The following PPRC1 variants were observed in gnomAD, a reference collection of about 807,000 sequenced individuals.
PPRC1 encodes the protein PPARG related coactivator 1.
A neutral mutation model predicts 132.5 loss-of-function variants in PPRC1; 23 were observed. The observed-to-expected ratio is 0.17, with a 90% CI of 0.12 to 0.25. The LOEUF (loss-of-function observed/expected upper bound fraction) is 0.25, where lower values mean the gene tolerates loss of function less well. PPRC1 is among the 10% of genes least tolerant of loss of function. The probability of loss-of-function intolerance (pLI) is 1.00; values close to 1 mark genes in which losing one functional copy is unlikely to be tolerated. For synonymous variants in PPRC1, 872 were observed against 833.5 expected, an observed-to-expected ratio of 1.05 and a Z score of -0.80; for missense variants, 2,006 against 2,089.1, an observed-to-expected ratio of 0.96 and a Z score of 0.78.
In PPRC1 at chr10:102,137,972, G is replaced by A. The variant is rs2068788633; in HGVS notation, c.276G>A (p.Gly92=). The change falls in exon 2 of 14, where the codon GGG becomes GGA. Residue 92 remains glycine (G), a synonymous_variant. Transcript: ENST00000278070. ...ELMLQDETLL[G]TMQSYMDASL... is the part of the protein sequence containing the mutation. ...TGCTGCAGGATGAGACACTGCTGGGGACCATGCAGAGCTACATGGATGCCT... is the reference window on the plus strand; with the variant it reads ...TGCTGCAGGATGAGACACTGCTGGGAACCATGCAGAGCTACATGGATGCCT... 3 of 1,614,018 alleles carry A rather than the reference G, an allele frequency of 1.9e-6. No individual in the cohort carries two copies. The highest frequency in any genetic ancestry group is 2.5e-6 in the Non-Finnish European group (3 of 1,180,022).
Position 102,133,062 on chromosome 10 carries a change from G to C in PPRC1, c.-7G>C. 1 of 1,241,212 alleles carries C rather than the reference G, an allele frequency of 8.1e-7. No individual in the cohort carries two copies. The highest frequency in any genetic ancestry group is 1.0e-6 in the Non-Finnish European group (1 of 987,918). The allele number at this position is 1,241,212 out of a possible 1,614,324, so 76.9% of individuals were successfully genotyped here. ...ATCAGAGCAGCGCTGGGTGTTCAGG[G>C]GCCAAGATGGCGGCGCGCCGGGGAC... is the stretch of plus-strand genomic sequence containing the variant. On this transcript the variant is annotated 5_prime_UTR_variant, in exon 1 of 14. Coordinates refer to ENST00000278070, the MANE Select transcript of PPRC1 (RefSeq NM_015062.5).
chr10:102,137,025 T>G (rs2068750782), intron 1 of PPRC1, among the ~76,000 whole-genome samples: 2 of 152,190 alleles, frequency 1.3e-5, no homozygotes, highest in Admixed American at 6.5e-5. Context: ...AGAGGTTGAG[T>G]GTCTCACTGT....
At chr10:102,143,001 T>G (rs1040532619) in intron 5 of PPRC1, 44 bp from the exon 6 acceptor site, 3 of 1,560,922 alleles carry the variant, frequency 1.9e-6, no homozygotes, top group Non-Finnish European at 2.6e-6. Flanking sequence ...GTGTACTAAG[T>G]TGATAGGGGC....
the PPRC1 span, among the ~76,000 whole-genome samples, chr10:102,127,050 T>TAA: frequency 1.7e-5 from 1 of 58,098 alleles, no homozygotes; most frequent in African/African-American, 3.8e-5. Flanking sequence ...TATATATATA[T>TAA]ATATATATAT....
At chr10:102,128,395 C>T (rs1031381006), upstream of PPRC1, among the ~76,000 whole-genome samples, 3 of 152,052 alleles carry the variant, frequency 2.0e-5, no homozygotes, top group African/African-American at 7.2e-5. Context: ...CTGCCCACCT[C>T]AGCCTCCCAA....
chr10:102,140,738 C>T lies in PPRC1; in HGVS notation c.2230C>T (p.His744Tyr). The T allele has an allele frequency of 1.2e-6, 2 of 1,614,036 alleles. No homozygotes were observed. The highest frequency in any genetic ancestry group is 2.2e-5 in the South Asian group (2 of 91,068). The change falls in exon 5 of 14, where the codon CAT becomes TAT. Residue 744 changes from histidine (H) to tyrosine (Y), a missense_variant. Physicochemically the swap from His to Tyr is moderately conservative, Grantham distance 83 (BLOSUM62 2). Transcript: ENST00000278070. The stretch of plus-strand genomic sequence containing the variant: ...TGAAAGTGGTACCAGTGCTACAACC[C>T]ATGAAGCCAGACCTCGGCCTCTCAG... Reference protein sequence around the residue: ...KIESGTSATTHEARPRPLSLS... With the variant: ...KIESGTSATTYEARPRPLSLS...
rs754677003 is a variant in PPRC1 at position 102,141,262 on chromosome 10, C to A, written c.2754C>A (p.Ala918=). ...TACCTGATCCGTTTACTCACTATGC[C>A]CCCTTGCCATCCTGGCCTTGTTATC... The part of the protein sequence containing the change: ...PVLPDPFTHY[A]PLPSWPCYPH... The change falls in exon 5 of 14, where the codon GCC becomes GCA. Residue 918 remains alanine, a synonymous_variant. Coordinates refer to ENST00000278070, the MANE Select transcript of PPRC1 (RefSeq NM_015062.5). 1 of 1,614,072 alleles carries A rather than the reference C, an allele frequency of 6.2e-7. No homozygotes were observed.
chr10:102,147,930 C>T (rs935266084), intron 9 of PPRC1, among the ~76,000 whole-genome samples: 1 of 152,038 alleles, frequency 6.6e-6, no homozygotes, highest in African/African-American at 2.4e-5. Flanking sequence ...GCCCATACTA[C>T]AAGTCTAGCA....
chr10:102,145,253 G>A (rs1403124364), intron 8 of PPRC1, among the ~76,000 whole-genome samples, 163 bp downstream of exon 8: 1 of 152,256 alleles, frequency 6.6e-6, no homozygotes, highest in African/African-American at 2.4e-5. Context: ...GAATGAGCAT[G>A]TTGAGTATCA....
rs996108303 is a variant in PPRC1, at chr10:102,140,369, C to G, written c.1861C>G (p.Leu621Val). Residue 621 changes from leucine (L) to valine (V), a missense_variant, in exon 5 of 14, where the codon CTG (leucine) becomes GTG (valine). By Grantham distance (32) the Leu-to-Val change is conservative. Coordinates refer to ENST00000278070, the MANE Select transcript of PPRC1 (RefSeq NM_015062.5). The part of the protein sequence containing the change: ...LVDLASTSSE[L>V]VEPLPAEPVL... ...TGACCTTGCTTCAACCAGCTCAGAA[C>G]TGGTTGAGCCTCTCCCGGCTGAGCC... 1 of 1,614,084 alleles carries G rather than the reference C, an allele frequency of 6.2e-7. No individual in the cohort carries two copies. Among genetic ancestry groups the G allele is most frequent in the Admixed American group, 1.7e-5 (1 of 60,004 alleles).
In PPRC1 at chr10:102,140,111, T is replaced by C. The variant is rs2133641384; in HGVS notation, c.1603T>C (p.Ser535Pro). 6.2e-7 allele frequency: 1 copy of C among 1,614,216 alleles called. No homozygotes were observed. The highest frequency in any genetic ancestry group is 1.1e-5 in the South Asian group (1 of 91,082). The change falls in exon 5 of 14, where the codon TCT becomes CCT. Residue 535 changes from serine to proline, a missense_variant. Transcript: ENST00000278070. ...GGCCTGGGCAGCTGCCTTGGAGAAT[T>C]CTAGCCCTAAGAACTTGGAGAGAAG... ...ARAWAAALENSSPKNLERSAG... is the reference protein window; with the variant it reads ...ARAWAAALENPSPKNLERSAG...
chr10:102,137,963 A>T lies in PPRC1; in HGVS notation c.267A>T (p.Thr89=). 2 of 1,614,112 alleles carry T rather than the reference A, an allele frequency of 1.2e-6. No individual in the cohort carries two copies. Among genetic ancestry groups the T allele is most frequent in the Non-Finnish European group, 1.7e-6 (2 of 1,180,002 alleles). ...AGGAGCTAATGCTGCAGGATGAGACACTGCTGGGGACCATGCAGAGCTACA... is the reference window on the plus strand; with the variant it reads ...AGGAGCTAATGCTGCAGGATGAGACTCTGCTGGGGACCATGCAGAGCTACA... ...EMEELMLQDE[T]LLGTMQSYMD... The change falls in exon 2 of 14, where the codon ACA becomes ACT. Residue 89 remains threonine (T), a synonymous_variant. Coordinates refer to ENST00000278070, the MANE Select transcript of PPRC1 (RefSeq NM_015062.5).
chr10:102,131,916 C>T (rs538248454), upstream of PPRC1, among the ~76,000 whole-genome samples: 5 of 152,272 alleles, frequency 3.3e-5, no homozygotes, highest in Non-Finnish European at 5.9e-5. Flanking sequence ...CTTCAGCCTC[C>T]CAAAGTGCTG....
chr10:102,141,280 T>C lies in PPRC1; in HGVS notation c.2772T>C (p.Pro924=). The change falls in exon 5 of 14, where the codon CCT becomes CCC. Residue 924 remains proline, a synonymous_variant. Coordinates refer to ENST00000278070, the MANE Select transcript of PPRC1 (RefSeq NM_015062.5). ...ACTATGCCCCCTTGCCATCCTGGCC[T>C]TGTTATCCTCATGTGTCCCCTTCTG... The part of the protein sequence containing the change: ...FTHYAPLPSW[P]CYPHVSPSGY... The C allele has an allele frequency of 6.2e-7, 1 of 1,614,062 alleles. No homozygotes were observed. Among genetic ancestry groups the C allele is most frequent in the Non-Finnish European group, 8.5e-7 (1 of 1,179,964 alleles).
chr10:102,135,614 A>T (rs187651063), intron 1 of PPRC1, among the ~76,000 whole-genome samples: 1 of 152,244 alleles, frequency 6.6e-6, no homozygotes, highest in Non-Finnish European at 1.5e-5. Context: ...CCTGACCTCA[A>T]GTGATCCACC....
the PPRC1 span, among the ~76,000 whole-genome samples, chr10:102,127,368 C>T: frequency 2.0e-5 from 3 of 150,338 alleles, no homozygotes; most frequent in South Asian, 2.1e-4. Flanking sequence ...AGTGAGACTC[C>T]GTCTCAAAAA....
chr10:102,148,386 C>T lies in PPRC1; in HGVS notation c.4415C>T (p.Ser1472Phe). Residue 1472 changes from serine to phenylalanine, a missense_variant, in exon 10 of 14, where the codon TCC becomes TTC. Transcript: ENST00000278070. This position sits in a 1 kb window ranked among gnomAD's most constrained non-coding sequence, Gnocchi z 4.2. ...HKRWRRSSCS[S>F]SGRSRRCSSS... ...TTATCCTTCAGGTCCAGCTGTAGTT[C>T]CTCTGGACGTTCTCGAAGATGCTCT... 6.2e-7 allele frequency: 1 copy of T among 1,613,276 alleles called. No homozygotes were observed. Among genetic ancestry groups the T allele is most frequent in the Non-Finnish European group, 8.5e-7 (1 of 1,179,886 alleles).
In PPRC1 at chr10:102,133,106, C is replaced by G. The variant is rs2068580608; in HGVS notation, c.38C>G (p.Pro13Arg). 2 of 1,244,812 alleles carry G rather than the reference C, an allele frequency of 1.6e-6. No homozygotes were observed. The highest frequency in any genetic ancestry group is 1.5e-5 in the African/African-American group (1 of 64,582). 77.1% of individuals were successfully genotyped at this position (1,244,812 alleles called of 1,614,324 possible). A position where few individuals can be genotyped will look rare whatever the true frequency, so the allele number is the denominator to read the frequency against. Residue 13 changes from proline (P) to arginine (R), a missense_variant, in exon 1 of 14, where the codon CCG (proline) becomes CGG (arginine). Physicochemically the swap from Pro to Arg is moderately radical, Grantham distance 103 (BLOSUM62 -2). This residue lies in a region of PPRC1 where 1,914 missense variants were observed against 1,917.2 expected (regional missense o/e 1.00). Coordinates refer to ENST00000278070, the MANE Select transcript of PPRC1 (RefSeq NM_015062.5). ...CGGGGACGGAGAGACGGAGTCGCGC[C>G]GCCCCCGAGTGGGGGCCCCGGTCCG... ...ARRGRRDGVA[P>R]PPSGGPGPDP... is the part of the protein sequence containing the mutation.
chr10:102,144,327 C>T lies in PPRC1; in HGVS notation c.3608+20C>T, dbSNP rs777087714. 43 of 1,610,490 alleles carry T rather than the reference C, an allele frequency of 2.7e-5. No individual in the cohort carries two copies. The highest frequency in any genetic ancestry group is 1.2e-4 in the Admixed American group (7 of 60,002). The stretch of plus-strand genomic sequence containing the variant: ...CTCAGGGTAAGTATGGAGACATGAG[C>T]GAGTTACCCTACAGCTGTTAGTCAG... On this transcript the variant is annotated intron_variant, in intron 7 of 13. Coordinates refer to ENST00000278070, the MANE Select transcript of PPRC1 (RefSeq NM_015062.5).
Sources: allele counts gnomAD v4.1 joint callset (sites outside exome capture counted in the v4.1 genomes callset), GRCh38; gene constraint gnomAD v4.1.1; regional missense constraint gnomAD v4.1.1; non-coding constraint Gnocchi (gnomAD v3.1); transcripts MANE v1.5; gene names NCBI Gene and HGNC (gene_info 2026-07-23, HGNC 2026-07-21).